Variants in SCFD2 observed in about 807,000 individuals in gnomAD.
The protein encoded by SCFD2 is sec1 family domain-containing protein 2.
Under a neutral mutation model 58.9 loss-of-function variants are expected in SCFD2, and 54 were observed. The observed-to-expected ratio is 0.92, with a 90% confidence interval of 0.74 to 1.15. SCFD2 has a LOEUF of 1.15. SCFD2 is among the 50% of genes most tolerant of loss of function. The pLI is 0.00. For synonymous variants in SCFD2, 321 were observed against 335.9 expected, an observed-to-expected ratio of 0.96 and a Z score of 0.49; for missense variants, 805 against 836.6, an observed-to-expected ratio of 0.96 and a Z score of 0.47.
intron 4 of SCFD2, among the ~76,000 whole-genome samples, chr4:53,149,325 G>A (rs1726435064): frequency 6.6e-6 from 1 of 152,204 alleles, no homozygotes. Context: ...ATAAGCACAA[G>A]TCAAAAGGAC....
chr4:52,921,080 G>A (rs1719724482), intron 5 of SCFD2, among the ~76,000 whole-genome samples: 1 of 151,802 alleles, frequency 6.6e-6, no homozygotes, highest in Non-Finnish European at 1.5e-5. Context: ...GAGTATAAAT[G>A]CCTTTGACAG....
In SCFD2 at chr4:53,145,583, C is replaced by G. The variant is rs779686868; in HGVS notation, c.1312-1G>C. The G allele has an allele frequency of 1.2e-6, 2 of 1,604,616 alleles. No individual in the cohort carries two copies. The highest frequency in any genetic ancestry group is 1.3e-5 in the African/African-American group (1 of 74,302). On this transcript the variant is annotated splice_acceptor_variant, in intron 4 of 8. Coordinates refer to ENST00000401642, the MANE Select transcript of SCFD2 (RefSeq NM_152540.4). LOFTEE classifies it high-confidence loss of function. ...CGGACATTGCTGACTCCCCAATGCTCTAAAATAAAAAATGATATGAAAATA... is the reference window on the plus strand; with the variant it reads ...CGGACATTGCTGACTCCCCAATGCTGTAAAATAAAAAATGATATGAAAATA...
At chr4:52,928,926 C>T (rs555591188) in intron 5 of SCFD2, among the ~76,000 whole-genome samples, 1 of 152,198 alleles carries the variant, frequency 6.6e-6, no homozygotes, top group African/African-American at 2.4e-5. Flanking sequence ...TGACATAAAG[C>T]AGCAGCACTG....
At chr4:53,328,028 G>A (rs1577970871) in intron 2 of SCFD2, among the ~76,000 whole-genome samples, 1 of 152,008 alleles carries the variant, frequency 6.6e-6, no homozygotes. Context: ...CCAGCTACTC[G>A]GGAGGCTGAG....
At chr4:52,920,327 A>C (rs1306229019) in intron 6 of SCFD2, among the ~76,000 whole-genome samples, 1 of 152,206 alleles carries the variant, frequency 6.6e-6, no homozygotes, top group Non-Finnish European at 1.5e-5. Context: ...TGTTTTCATT[A>C]TTCTGCTCAT....
intron 5 of SCFD2, among the ~76,000 whole-genome samples, chr4:52,929,859 A>G (rs1267889243): frequency 6.6e-6 from 1 of 152,226 alleles, no homozygotes; most frequent in Non-Finnish European, 1.5e-5. Context: ...AGGAGATAAG[A>G]GAGGACACAA....
intron 5 of SCFD2, among the ~76,000 whole-genome samples, chr4:53,139,152 G>C (rs1726034934): frequency 1.3e-5 from 2 of 152,188 alleles, no homozygotes; most frequent in African/African-American, 4.8e-5. Context: ...ATTGCAGACG[G>C]AGTCTCGCTC....
intron 4 of SCFD2, among the ~76,000 whole-genome samples, chr4:53,255,119 C>T (rs1730558242): frequency 1.3e-5 from 2 of 151,294 alleles, no homozygotes; most frequent in South Asian, 4.1e-4. Context: ...GATCTGCCCG[C>T]CTTGGCCTCC....
chr4:53,140,392 A>AAAATAT (rs369140110), intron 5 of SCFD2, among the ~76,000 whole-genome samples: 2,729 of 97,490 alleles, frequency 0.028, 351 homozygotes, highest in African/African-American at 0.11. Flanking sequence ...CAAAAATGCT[A>AAAATAT]ATATATATAT....
chr4:53,170,423 G>T (rs1476198490), intron 4 of SCFD2, among the ~76,000 whole-genome samples: 1 of 152,124 alleles, frequency 6.6e-6, no homozygotes, highest in Admixed American at 6.6e-5. Flanking sequence ...TCATGCTATT[G>T]TAATTACTGT....
intron 4 of SCFD2, among the ~76,000 whole-genome samples, chr4:53,156,423 A>G (rs1270056552): frequency 6.7e-6 from 1 of 150,020 alleles, no homozygotes; most frequent in Non-Finnish European, 1.5e-5. Flanking sequence ...AAGAAAAGAA[A>G]AAAGAGCTCC....
intron 3 of SCFD2, among the ~76,000 whole-genome samples, chr4:53,292,632 C>T (rs186793612): frequency 8.4e-4 from 128 of 151,854 alleles, no homozygotes; most frequent in African/African-American, 2.9e-3. Context: ...CCATTGTGGA[C>T]GACAGTGTGG....
chr4:53,201,460 T>C (rs1278469885), intron 4 of SCFD2, among the ~76,000 whole-genome samples: 7 of 152,212 alleles, frequency 4.6e-5, no homozygotes, highest in Non-Finnish European at 1.0e-4. Flanking sequence ...GTCTTTGCTA[T>C]TGTGAACAGT....
intron 3 of SCFD2, among the ~76,000 whole-genome samples, chr4:53,311,809 T>A (rs1732701091): frequency 6.6e-6 from 1 of 151,994 alleles, no homozygotes; most frequent in African/African-American, 2.4e-5. Flanking sequence ...CTAATTTTTG[T>A]ATTTTTAGTA....
intron 4 of SCFD2, among the ~76,000 whole-genome samples, chr4:53,256,530 G>T (rs1465687619): frequency 3.3e-5 from 5 of 152,172 alleles, no homozygotes; most frequent in African/African-American, 1.2e-4. Context: ...AAGGCAGGCG[G>T]CTGGGAGGTG....
chr4:53,269,830 G>A (rs1408084685), intron 4 of SCFD2, among the ~76,000 whole-genome samples: 1 of 152,166 alleles, frequency 6.6e-6, no homozygotes, highest in Non-Finnish European at 1.5e-5. Context: ...TTCGAGACCA[G>A]CATGGCCAAC....
At chr4:53,223,411 G>T (rs1341275020) in intron 4 of SCFD2, among the ~76,000 whole-genome samples, 1 of 152,150 alleles carries the variant, frequency 6.6e-6, no homozygotes, top group Non-Finnish European at 1.5e-5. Context: ...CTGTTTCTTG[G>T]TTATCTCTGG....
chr4:53,192,908 C>G (rs917404896), intron 4 of SCFD2, among the ~76,000 whole-genome samples: 1 of 152,036 alleles, frequency 6.6e-6, no homozygotes, highest in African/African-American at 2.4e-5. Flanking sequence ...AAGGATGTTA[C>G]ACCAAGAAGG....
intron 4 of SCFD2, among the ~76,000 whole-genome samples, chr4:53,251,796 T>A (rs1730394227): frequency 6.6e-6 from 1 of 151,800 alleles, no homozygotes; most frequent in African/African-American, 2.4e-5. Flanking sequence ...GGGCAAAAAC[T>A]AGAAGCATTC....
Sources: allele counts gnomAD v4.1 joint callset (sites outside exome capture counted in the v4.1 genomes callset), GRCh38; gene constraint gnomAD v4.1.1; transcripts MANE v1.5; gene names NCBI Gene and HGNC (gene_info 2026-07-23, HGNC 2026-07-21).